STAT3: variants seen among roughly 807,000 people sequenced by gnomAD.
The protein encoded by STAT3 is DNA-binding protein APRF.
In STAT3, 7 loss-of-function variants were observed where a neutral mutation model predicts 114.3. The observed-to-expected ratio is 0.06, with a 90% confidence interval of 0.03 to 0.11. STAT3 has a LOEUF of 0.11. STAT3 is among the 10% of genes least tolerant of loss of function. STAT3 has a pLI of 1.00. For synonymous variants in STAT3, 331 were observed against 354.5 expected (o/e 0.93, Z 0.74); for missense variants, 364 against 960.9 (o/e 0.38, Z 8.21).
At chr17:42,323,198 T>G (rs2081555836) in intron 19 of STAT3, 55 bp from the exon 20 acceptor site, 3 of 1,614,210 alleles carry the variant, frequency 1.9e-6, no homozygotes, top group Non-Finnish European at 2.5e-6. Context: ...ATCCATCCCC[T>G]GCCACTGGCT....
At chr17:42,370,688 C>T (rs868856980) in intron 1 of STAT3, among the ~76,000 whole-genome samples, 10 of 151,606 alleles carry the variant, frequency 6.6e-5, no homozygotes, top group Admixed American at 2.0e-4. Context: ...AGTGCAGTGG[C>T]GCGATCTCAG....
intron 1 of STAT3, among the ~76,000 whole-genome samples, chr17:42,377,743 T>TA: frequency 6.6e-6 from 1 of 152,328 alleles, no homozygotes; most frequent in East Asian, 1.9e-4. Flanking sequence ...GATACATTCT[T>TA]ACTACAAATC....
intron 10 of STAT3, among the ~76,000 whole-genome samples, chr17:42,332,392 G>A (rs1269994295): frequency 1.3e-5 from 2 of 150,940 alleles, no homozygotes; most frequent in African/African-American, 4.9e-5. Flanking sequence ...ACAAAAATCA[G>A]CCGGGCATGG....
At chr17:42,355,243 T>C (rs1318619918) in intron 1 of STAT3, among the ~76,000 whole-genome samples, 1 of 152,218 alleles carries the variant, frequency 6.6e-6, no homozygotes, top group Non-Finnish European at 1.5e-5. Context: ...CTGTGGGTTT[T>C]TAAAAAAATT....
chr17:42,356,408 T>C (rs1403502078), intron 1 of STAT3, among the ~76,000 whole-genome samples: 3 of 151,948 alleles, frequency 2.0e-5, no homozygotes, highest in African/African-American at 4.8e-5. Flanking sequence ...TGAGCTGTGA[T>C]TGCACCACTG....
chr17:42,347,203 A>AAAAC (rs576843040), intron 2 of STAT3, among the ~76,000 whole-genome samples: 16 of 144,950 alleles, frequency 1.1e-4, no homozygotes, highest in South Asian at 4.4e-4. Flanking sequence ...AAAAAAAAAA[A>AAAAC]CCACAAAACA....
At chr17:42,322,198 C>A in intron 21 of STAT3, 84 bp downstream of exon 21, 2 of 1,272,382 alleles carry the variant, frequency 1.6e-6, no homozygotes, top group Non-Finnish European at 2.3e-6. Context: ...GTTATTCAGG[C>A]ATTTGCCTAT....
intron 1 of STAT3, among the ~76,000 whole-genome samples, chr17:42,371,850 G>A (rs1280872132): frequency 6.6e-6 from 1 of 151,604 alleles, no homozygotes; most frequent in African/African-American, 2.4e-5. Context: ...GAACATGGTG[G>A]CGTGCACCTG....
chr17:42,330,637 C>G (rs956244863), intron 11 of STAT3, among the ~76,000 whole-genome samples: 36 of 151,252 alleles, frequency 2.4e-4, no homozygotes, highest in Non-Finnish European at 4.1e-4. Flanking sequence ...CACCGTGTTA[C>G]CCAGGATGGT....
At chr17:42,386,972 G>C (rs947025027) in intron 1 of STAT3, 2 of 152,106 alleles carry the variant, frequency 1.3e-5, no homozygotes, top group African/African-American at 4.8e-5. Flanking sequence ...TATAAAATAA[G>C]ATAGAAAACT....
chr17:42,331,357 C>T (rs2144798309), intron 11 of STAT3, 115 bp downstream of exon 11: 1 of 999,674 alleles, frequency 1.0e-6, no homozygotes. Context: ...AAACTTTTGT[C>T]CACAAAATGA....
intron 1 of STAT3, among the ~76,000 whole-genome samples, chr17:42,377,964 A>G (rs1014090616): frequency 1.3e-5 from 2 of 149,620 alleles, no homozygotes; most frequent in East Asian, 3.9e-4. Flanking sequence ...GACACCTGGG[A>G]TATTTCTGCA....
chr17:42,321,114 CTTTTTTTTTTT>C (rs971943600), intron 21 of STAT3, among the ~76,000 whole-genome samples: 2 of 110,130 alleles, frequency 1.8e-5, no homozygotes, highest in African/African-American at 7.6e-5. Context: ...ATTTCTCTCT[CTTTTTTTTTTT>C]TTTTTTTTTG....
intron 17 of STAT3, among the ~76,000 whole-genome samples, chr17:42,323,935 TCAGA>T (rs780568385): frequency 1.3e-4 from 20 of 152,206 alleles, no homozygotes; most frequent in Non-Finnish European, 2.6e-4. Flanking sequence ...ACATCGGGTG[TCAGA>T]CAGGTGTATT....
chr17:42,354,840 C>T (rs2083155873), intron 1 of STAT3, among the ~76,000 whole-genome samples: 2 of 148,628 alleles, frequency 1.3e-5, no homozygotes, highest in Admixed American at 1.3e-4. Context: ...AGGGCACCAA[C>T]AATGACTGAT....
At chr17:42,366,446 G>A (rs1270285141) in intron 1 of STAT3, among the ~76,000 whole-genome samples, 1 of 152,044 alleles carries the variant, frequency 6.6e-6, no homozygotes, top group African/African-American at 2.4e-5. Context: ...TGAGGCGGGT[G>A]GATCACTTGA....
At chr17:42,330,848 C>A (rs973487748) in intron 11 of STAT3, among the ~76,000 whole-genome samples, 40 of 152,230 alleles carry the variant, frequency 2.6e-4, no homozygotes, top group African/African-American at 8.7e-4. Flanking sequence ...AAAAAGAGAT[C>A]TATTCTTTCC....
chr17:42,380,085 A>C (rs949633366), intron 1 of STAT3, among the ~76,000 whole-genome samples: 20 of 152,044 alleles, frequency 1.3e-4, no homozygotes, highest in African/African-American at 4.8e-4. Context: ...CCCAGGCTGG[A>C]GTGCAGCGGC....
At chr17:42,366,907 A>G (rs2083831670) in intron 1 of STAT3, among the ~76,000 whole-genome samples, 1 of 152,112 alleles carries the variant, frequency 6.6e-6, no homozygotes, top group South Asian at 2.1e-4. Context: ...TTGGGAGGCC[A>G]AGGCGAGCAG....
Sources: allele counts gnomAD v4.1 joint callset (sites outside exome capture counted in the v4.1 genomes callset), GRCh38; gene constraint gnomAD v4.1.1; transcripts MANE v1.5; gene names NCBI Gene and HGNC (gene_info 2026-07-23, HGNC 2026-07-21).